Variants in ZFYVE19 observed in about 807,000 individuals in gnomAD.
The protein encoded by ZFYVE19 is abscission/NoCut checkpoint regulator.
Under a neutral mutation model 62.8 loss-of-function variants are expected in ZFYVE19, and 49 were observed. The ratio of observed to expected loss-of-function variants is 0.78; its 90% CI spans 0.62 to 0.99. ZFYVE19 has a LOEUF of 0.99. Among genes scored for constraint, ZFYVE19 ranks in the 50% least tolerant of loss-of-function variants. ZFYVE19 has a pLI of 0.00. For synonymous variants in ZFYVE19, 242 were observed against 234.3 expected, an observed-to-expected ratio of 1.03 and a Z score of -0.30; for missense variants, 630 against 601.9, an observed-to-expected ratio of 1.05 and a Z score of -0.49.
Position 40,807,334 on chromosome 15 carries a change from C to G in ZFYVE19, c.-256C>G, listed in dbSNP as rs371715684. On this transcript the variant is annotated 5_prime_UTR_variant, in exon 1 of 11. Transcript: ENST00000355341. ...GCTAGGACAGGAAGGACCGCCAGAC[C>G]TCTCAAGATCAGCCTTCCTCGCCAC... 1 of 1,614,276 alleles carries G rather than the reference C, an allele frequency of 6.2e-7. No homozygotes were observed. The highest frequency in any genetic ancestry group is 8.5e-7 in the Non-Finnish European group (1 of 1,180,050).
chr15:40,808,408 T>G, intron 1 of ZFYVE19: 1 of 1,593,166 alleles, frequency 6.3e-7, no homozygotes, highest in Non-Finnish European at 8.5e-7. Context: ...TGGCCAGGGA[T>G]TCTGACCAGG....
intron 3 of ZFYVE19, 58 bp from the exon 4 acceptor site, chr15:40,809,794 G>T: frequency 6.5e-6 from 10 of 1,531,088 alleles, no homozygotes; most frequent in Non-Finnish European, 3.6e-6. Flanking sequence ...ACAGTGAGTG[G>T]GTGCCTTCAC....
At position 40,807,456 on chromosome 15, in the gene ZFYVE19, C is replaced by G. The variant is rs759376005; in HGVS notation, c.-134C>G. ...CCTTGGTCACTGCCATGGTTCCGGC[C>G]TGACGGATTCGTACTACAACTCCCA... On this transcript the variant is annotated 5_prime_UTR_variant, in exon 1 of 11. Coordinates refer to ENST00000355341, the MANE Select transcript of ZFYVE19 (RefSeq NM_001077268.2). 7 of 1,614,194 alleles carry G rather than the reference C, an allele frequency of 4.3e-6. No homozygotes were observed. The highest frequency in any genetic ancestry group is 5.9e-6 in the Non-Finnish European group (7 of 1,179,996).
rs1184613411 is a variant in ZFYVE19, at chr15:40,807,220, G to T, written c.-370G>T. 2 of 1,530,552 alleles carry T rather than the reference G, an allele frequency of 1.3e-6. No individual in the cohort carries two copies. Among genetic ancestry groups the T allele is most frequent in the Admixed American group, 2.0e-5 (1 of 49,626 alleles). The allele number at this position is 1,530,552 out of a possible 1,614,324, so 94.8% of individuals were successfully genotyped here. Reference sequence around the variant, plus strand: ...CGGACCGTCCAGGAAATGTCTGGGAGCCCGCCTGCGGAGGGCATAGCGCCG... The same window carrying T: ...CGGACCGTCCAGGAAATGTCTGGGATCCCGCCTGCGGAGGGCATAGCGCCG... On this transcript the variant is annotated 5_prime_UTR_variant, in exon 1 of 11. Transcript: ENST00000355341.
In ZFYVE19 at chr15:40,807,735, G is replaced by A. The variant is rs746956115; in HGVS notation, c.146G>A (p.Ser49Asn). 1.9e-6 allele frequency: 3 copies of A among 1,596,286 alleles called. No individual in the cohort carries two copies. Among genetic ancestry groups the A allele is most frequent in the Admixed American group, 3.4e-5 (2 of 58,832 alleles). The part of the protein sequence containing the change: ...GGAGQGREGR[S>N]WGEGPRGPGL... ...GCAGGGCAGGGAAGGGAAGGGCGGA[G>A]CTGGGGTGAGGGTCCAAGGGGCCCA... The change falls in exon 1 of 11, where the codon AGC becomes AAC. Residue 49 changes from serine to asparagine, a missense_variant. Coordinates refer to ENST00000355341, the MANE Select transcript of ZFYVE19 (RefSeq NM_001077268.2).
intron 7 of ZFYVE19, 136 bp downstream of exon 7, chr15:40,813,038 C>G: frequency 9.7e-7 from 1 of 1,026,728 alleles, no homozygotes; most frequent in East Asian, 2.6e-5. Context: ...GGTGGTAGAG[C>G]AAAGCAGTGG....
rs34819163 is a variant in ZFYVE19 at position 40,810,128 on chromosome 15, G to A, written c.629G>A (p.Arg210His). ...CGGCTGGCTGCCCTAAAGGATGAACGTCAGGGTTCCATCCCTTCCACCCAG... is the reference window on the plus strand; with the variant it reads ...CGGCTGGCTGCCCTAAAGGATGAACATCAGGGTTCCATCCCTTCCACCCAG... Reference protein sequence around the residue: ...EARLAALKDERQGSIPSTQEM... With the variant: ...EARLAALKDEHQGSIPSTQEM... Residue 210 changes from arginine to histidine, a missense_variant, in exon 5 of 11, where the codon CGT becomes CAT. Transcript: ENST00000355341. 8,133 of 1,614,092 alleles carry A rather than the reference G, an allele frequency of 5.0e-3. 363 individuals carry two copies. In the African/African-American group the frequency reaches 0.097, roughly 19 times the overall value.
chr15:40,810,614 C>A, intron 5 of ZFYVE19, 35 bp from the exon 6 acceptor site: 1 of 1,550,808 alleles, frequency 6.4e-7, no homozygotes, highest in South Asian at 1.2e-5. Flanking sequence ...TCTGGGCTAC[C>A]CCTGCTCTCC....
At position 40,807,148 on chromosome 15, in the gene ZFYVE19, C is replaced by A. The variant is rs1483571038; in HGVS notation, c.-442C>A. 2 of 1,165,152 alleles carry A rather than the reference C, an allele frequency of 1.7e-6. No individual in the cohort carries two copies. Among genetic ancestry groups the A allele is most frequent in the Non-Finnish European group, 2.4e-6 (2 of 849,702 alleles). 72.2% of individuals were successfully genotyped at this position (1,165,152 alleles called of 1,614,324 possible). A position where few individuals can be genotyped will look rare whatever the true frequency, so the allele number is the denominator to read the frequency against. On this transcript the variant is annotated 5_prime_UTR_variant, in exon 1 of 11. Coordinates refer to ENST00000355341, the MANE Select transcript of ZFYVE19 (RefSeq NM_001077268.2). ...ACAGGGGCCACGGGGAGAGCACAGC[C>A]ACCCGGCGCGAAGAGCCCTCTGTAC... is the stretch of plus-strand genomic sequence containing the variant.
chr15:40,813,602 G>A, intron 8 of ZFYVE19, 111 bp from the exon 9 acceptor site: 1 of 1,221,508 alleles, frequency 8.2e-7, no homozygotes, highest in Non-Finnish European at 1.1e-6. Context: ...CAGGCCACAA[G>A]TAAAGAAAAA....
Position 40,809,128 on chromosome 15 carries a change from A to T in ZFYVE19, c.289A>T (p.Lys97Ter), listed in dbSNP as rs754295626. Residue 97 changes from lysine (K) to a stop codon, truncating the protein, a stop_gained, in exon 2 of 11, where the codon AAG becomes TAG. Transcript: ENST00000355341. LOFTEE classifies it high-confidence loss of function. ...TTCATGTTTCTTGTAGTACGGCTGT[A>T]AGAATTGTGGCAGGGCCTTCTGTTC... The part of the protein sequence containing the change: ...FTLFKKEYGC[K>*]NCGRAFCSGC... 6.2e-7 allele frequency: 1 copy of T among 1,614,042 alleles called. No homozygotes were observed. Among genetic ancestry groups the T allele is most frequent in the Non-Finnish European group, 8.5e-7 (1 of 1,179,914 alleles).
chr15:40,812,557 A>AAATG, intron 6 of ZFYVE19, 142 bp from the exon 7 acceptor site: 1 of 464,446 alleles, frequency 2.2e-6, no homozygotes, highest in African/African-American at 2.5e-5. Flanking sequence ...AAAAAAAAAA[A>AAATG]AAAGAAAGAA....
Position 40,807,511 on chromosome 15 carries a change from C to A in ZFYVE19, c.-79C>A. 1.2e-6 allele frequency: 2 copies of A among 1,608,382 alleles called. No homozygotes were observed. Among genetic ancestry groups the A allele is most frequent in the Admixed American group, 3.4e-5 (2 of 59,654 alleles). On this transcript the variant is annotated 5_prime_UTR_variant, in exon 1 of 11. Transcript: ENST00000355341. ...TCTAAGCGCGCGTGAGGACTGCAGG[C>A]TCCGAGCGGCGCCTAGCCCTCTGGG... is the stretch of plus-strand genomic sequence containing the variant.
At chr15:40,812,988 G>A (rs1012829918) in intron 7 of ZFYVE19, 86 bp downstream of exon 7, 10 of 1,472,812 alleles carry the variant, frequency 6.8e-6, no homozygotes, top group South Asian at 5.9e-5. Context: ...GGGTATTTGC[G>A]CCCAGAGATC....
chr15:40,810,983 G>A, intron 6 of ZFYVE19: 1 of 498,606 alleles, frequency 2.0e-6, no homozygotes, highest in Non-Finnish European at 3.6e-6. Context: ...CCACGTATTA[G>A]CTGTGTGATG....
rs1409438432 is a variant in ZFYVE19 at position 40,813,768 on chromosome 15, A to G, written c.1166A>G (p.Gln389Arg). The G allele has an allele frequency of 1.2e-6, 2 of 1,614,024 alleles. No homozygotes were observed. The highest frequency in any genetic ancestry group is 1.7e-6 in the Non-Finnish European group (2 of 1,180,018). ...EASGFNIPAE[Q>R]ASRPWTQPRG... ...AGTGGCTTTAACATCCCTGCAGAGCAGGCTTCTCGACCCTGGACGCAACCC... is the reference window on the plus strand; with the variant it reads ...AGTGGCTTTAACATCCCTGCAGAGCGGGCTTCTCGACCCTGGACGCAACCC... The change falls in exon 9 of 11, where the codon CAG becomes CGG. Residue 389 changes from glutamine to arginine, a missense_variant. Coordinates refer to ENST00000355341, the MANE Select transcript of ZFYVE19 (RefSeq NM_001077268.2).
chr15:40,807,525 T>C lies in ZFYVE19; in HGVS notation c.-65T>C. ...AGGACTGCAGGCTCCGAGCGGCGCC[T>C]AGCCCTCTGGGAATTGTGTTCTGGG... is the stretch of plus-strand genomic sequence containing the variant. On this transcript the variant is annotated 5_prime_UTR_variant, in exon 1 of 11. Coordinates refer to ENST00000355341, the MANE Select transcript of ZFYVE19 (RefSeq NM_001077268.2). The C allele has an allele frequency of 1.2e-6, 2 of 1,605,692 alleles. No individual in the cohort carries two copies. The highest frequency in any genetic ancestry group is 1.7e-6 in the Non-Finnish European group (2 of 1,174,340).
intron 1 of ZFYVE19, chr15:40,808,223 C>T (rs897304775): frequency 6.3e-7 from 1 of 1,594,752 alleles, no homozygotes; most frequent in Non-Finnish European, 8.5e-7. Flanking sequence ...GCCCGTTACT[C>T]CCTCTGCTCT....
chr15:40,814,081 G>A lies in ZFYVE19; in HGVS notation c.1337+11G>A, dbSNP rs1890592561. On this transcript the variant is annotated intron_variant, in intron 10 of 10. Coordinates refer to ENST00000355341, the MANE Select transcript of ZFYVE19 (RefSeq NM_001077268.2). ...TGCCCGCTGCTTCCGGTGGGTGCAG[G>A]TGGAATGTTCTGTGCGAGAGCTCAA... is the stretch of plus-strand genomic sequence containing the variant. 2.5e-6 allele frequency: 4 copies of A among 1,614,070 alleles called. No homozygotes were observed. Among genetic ancestry groups the A allele is most frequent in the Non-Finnish European group, 3.4e-6 (4 of 1,180,038 alleles).
Sources: gnomAD v4.1 joint callset for allele counts on GRCh38, gnomAD v4.1.1 for gene constraint, MANE v1.5 for transcripts, NCBI Gene and HGNC (gene_info 2026-07-23, HGNC 2026-07-21) for gene names.